The following CHLSN variants were observed in gnomAD, a reference collection of about 807,000 sequenced individuals.
The protein encoded by CHLSN is cholesin.
At chr7:1,126,956 GC>G in the CHLSN span, among the ~76,000 whole-genome samples, 17 of 152,036 alleles carry the variant, frequency 1.1e-4, no homozygotes, top group Non-Finnish European at 1.6e-4. Context: ...CCAACCGAAG[GC>G]CTGCTGCAGG....
chr7:1,126,359 C>CAAAAAAAAA, the CHLSN span, among the ~76,000 whole-genome samples: 2 of 40,502 alleles, frequency 4.9e-5, no homozygotes, highest in Non-Finnish European at 9.5e-5. Context: ...GACTCTGTCT[C>CAAAAAAAAA]AAAAAAAAAA....
At chr7:1,114,874 C>CA in the CHLSN span, among the ~76,000 whole-genome samples, 3 of 152,244 alleles carry the variant, frequency 2.0e-5, no homozygotes, top group East Asian at 5.8e-4. Context: ...CTGCCCCGCA[C>CA]AAAGCAGCTG....
chr7:1,129,487 T>C, the CHLSN span, among the ~76,000 whole-genome samples: 20 of 116,200 alleles, frequency 1.7e-4, 3 homozygotes, highest in Non-Finnish European at 1.7e-4. Flanking sequence ...ACCCTGTCAC[T>C]CGGGCTGCAG....
chr7:1,082,340 G>C, the CHLSN span: 2 of 152,344 alleles, frequency 1.3e-5, no homozygotes. Flanking sequence ...GGGGGTGAGA[G>C]AGGGTGGCGG....
chr7:1,110,072 A>C, the CHLSN span, among the ~76,000 whole-genome samples: 1 of 151,948 alleles, frequency 6.6e-6, no homozygotes. Flanking sequence ...GAGGCTACGC[A>C]AATCTGCCCC....
the CHLSN span, among the ~76,000 whole-genome samples, chr7:1,126,684 C>T: frequency 2.0e-5 from 3 of 152,128 alleles, no homozygotes; most frequent in South Asian, 2.1e-4. Flanking sequence ...CTCAAGAAAA[C>T]GAAGAATAAA....
chr7:1,031,903 C>T, the CHLSN span, among the ~76,000 whole-genome samples: 18 of 152,030 alleles, frequency 1.2e-4, no homozygotes, highest in African/African-American at 3.9e-4. Flanking sequence ...AAACACCACC[C>T]GGGGAACGGG....
the CHLSN span, among the ~76,000 whole-genome samples, chr7:1,050,388 C>T: frequency 6.6e-6 from 1 of 152,246 alleles, no homozygotes; most frequent in Non-Finnish European, 1.5e-5. Flanking sequence ...CATGGACTTC[C>T]AAGCCAACAG....
chr7:1,101,304 G>A, the CHLSN span, among the ~76,000 whole-genome samples: 2 of 152,362 alleles, frequency 1.3e-5, no homozygotes, highest in Admixed American at 1.3e-4. Context: ...CGCCCTGGAC[G>A]CTGGTGTGCT....
the CHLSN span, among the ~76,000 whole-genome samples, chr7:1,013,700 C>T: frequency 6.6e-6 from 1 of 152,194 alleles, no homozygotes; most frequent in Middle Eastern, 3.2e-3. Flanking sequence ...GAAGCACCGG[C>T]CTGTCACAGA....
the CHLSN span, among the ~76,000 whole-genome samples, chr7:980,934 C>T: frequency 1.3e-5 from 2 of 151,820 alleles, no homozygotes; most frequent in South Asian, 4.2e-4. Flanking sequence ...ACCTCGTGAT[C>T]CGCCCACCTC....
chr7:1,060,945 C>G, the CHLSN span, among the ~76,000 whole-genome samples: 2 of 152,156 alleles, frequency 1.3e-5, no homozygotes, highest in Non-Finnish European at 2.9e-5. Flanking sequence ...CCCTCCTACC[C>G]CTGCAGCCCA....
At chr7:980,684 CTTTT>C in the CHLSN span, among the ~76,000 whole-genome samples, 2 of 97,040 alleles carry the variant, frequency 2.1e-5, no homozygotes. Flanking sequence ...GTAACAGTTA[CTTTT>C]TTTTTTTTTT....
the CHLSN span, among the ~76,000 whole-genome samples, chr7:1,073,070 T>C: frequency 6.6e-6 from 1 of 152,204 alleles, no homozygotes. Flanking sequence ...GTTCCCTTAC[T>C]GTCATTCTGT....
chr7:1,135,361 A>G, the CHLSN span, among the ~76,000 whole-genome samples: 173 of 152,234 alleles, frequency 1.1e-3, no homozygotes, highest in Non-Finnish European at 2.1e-3. Flanking sequence ...ATAGTTATAT[A>G]TATATACATG....
the CHLSN span, among the ~76,000 whole-genome samples, chr7:1,070,278 C>G: frequency 9.6e-4 from 139 of 145,118 alleles, no homozygotes; most frequent in African/African-American, 3.2e-3. Flanking sequence ...GCCCCCCGCC[C>G]GGCCAGCCGC....
At chr7:1,112,125 C>A in the CHLSN span, among the ~76,000 whole-genome samples, 9 of 152,192 alleles carry the variant, frequency 5.9e-5, no homozygotes, top group African/African-American at 2.2e-4. Context: ...CTGGGCTGAT[C>A]ACAGCAGCAA....
the CHLSN span, among the ~76,000 whole-genome samples, chr7:1,008,704 G>A: frequency 6.6e-6 from 1 of 152,142 alleles, no homozygotes; most frequent in Non-Finnish European, 1.5e-5. Flanking sequence ...TCCTGTAGGT[G>A]GAGGACCGTC....
chr7:1,117,758 C>A, the CHLSN span, among the ~76,000 whole-genome samples: 1 of 151,846 alleles, frequency 6.6e-6, no homozygotes, highest in African/African-American at 2.4e-5. Flanking sequence ...AGCTCTAGGA[C>A]CGGCTTCCAT....
Sources: allele counts gnomAD v4.1 joint callset (sites outside exome capture counted in the v4.1 genomes callset), GRCh38; gene constraint gnomAD v4.1.1; transcripts MANE v1.5; gene names NCBI Gene and HGNC (gene_info 2026-07-23, HGNC 2026-07-21).